Variants in PRRC2B observed in about 807,000 individuals in gnomAD.
The protein encoded by PRRC2B is proline rich coiled-coil 2B, also known as protein PRRC2B.
A neutral mutation model predicts 242.3 loss-of-function variants in PRRC2B; 68 were observed. The observed-to-expected ratio is 0.28, with a 90% CI of 0.23 to 0.34. The LOEUF (loss-of-function observed/expected upper bound fraction) is 0.34. Ranked by LOEUF, PRRC2B falls within the 10% of genes least tolerant of loss-of-function variation. PRRC2B has a pLI of 1.00. For synonymous variants in PRRC2B, 1,228 were observed against 1,173.6 expected, an observed-to-expected ratio of 1.05 and a Z score of -0.95; for missense variants, 2,835 against 2,954.8, an observed-to-expected ratio of 0.96 and a Z score of 0.94.
At chr9:131,458,058 C>G (rs904172129) in intron 10 of PRRC2B, among the ~76,000 whole-genome samples, 2 of 152,162 alleles carry the variant, frequency 1.3e-5, no homozygotes, top group Non-Finnish European at 2.9e-5. Context: ...TCCAGACGAG[C>G]ATGGCACCCA....
chr9:131,478,649 G>GGGGGGGGGGGCCCGGGGGC, intron 18 of PRRC2B, 30 bp downstream of exon 18: 2 of 504,562 alleles, frequency 4.0e-6, no homozygotes, highest in Non-Finnish European at 8.0e-6. Flanking sequence ...GGGGCATGGG[G>GGGGGGGGGGGCCCGGGGGC]CTGGAGGGCA....
rs141579142 is a variant in PRRC2B, at chr9:131,458,844, G to A, written c.1212-320G>A. On this transcript the variant is annotated intron_variant, in intron 10 of 31. Transcript: ENST00000683519. Reference sequence around the variant, plus strand: ...AAGAAAGTTTACGAATTTGTGTTGCGCTGCATCCAGAGCCCAGGGCCATCC... The same window carrying A: ...AAGAAAGTTTACGAATTTGTGTTGCACTGCATCCAGAGCCCAGGGCCATCC... Among the ~76,000 whole-genome samples, 442 of 152,246 alleles carry A rather than the reference G, an allele frequency of 2.9e-3. 1 individual carries two copies. Among genetic ancestry groups the A allele is most frequent in the Middle Eastern group, 0.014 (4 of 292 alleles).
chr9:131,480,516 T>C (rs1943827391), intron 19 of PRRC2B, among the ~76,000 whole-genome samples: 5 of 151,990 alleles, frequency 3.3e-5, no homozygotes, highest in Admixed American at 3.3e-4. Context: ...GTCAGATCTT[T>C]TACTCCAGAA....
At chr9:131,384,197 G>A (rs957616442) in intron 1 of PRRC2B, among the ~76,000 whole-genome samples, 1 of 149,016 alleles carries the variant, frequency 6.7e-6, no homozygotes, top group African/African-American at 2.5e-5. Context: ...GTGCTCAAGC[G>A]ATTCTCATCC....
Position 131,470,809 on chromosome 9 carries a change from C to T in PRRC2B, c.1933C>T (p.His645Tyr), listed in dbSNP as rs775349825. 1.2e-6 allele frequency: 2 copies of T among 1,612,626 alleles called. No individual in the cohort carries two copies. The highest frequency in any genetic ancestry group is 1.1e-5 in the South Asian group (1 of 91,046). The change falls in exon 14 of 32, where the codon CAC becomes TAC. Residue 645 changes from histidine (H) to tyrosine (Y), a missense_variant. Physicochemically the swap from His to Tyr is moderately conservative, Grantham distance 83 (BLOSUM62 2). This residue lies in a region of PRRC2B where 1,536 missense variants were observed against 1,483.1 expected (regional missense o/e 1.04). Coordinates refer to ENST00000683519, the MANE Select transcript of PRRC2B (RefSeq NM_013318.4). ...GCAGGAGCAGCTGTACAAGATGCAG[C>T]ACTGGCAGCCGGTGTACCCCCCGCC... ...QQQEQLYKMQ[H>Y]WQPVYPPPSH...
Position 131,482,341 on chromosome 9 carries a change from A to G in PRRC2B, c.4984-30A>G. On this transcript the variant is annotated intron_variant, in intron 20 of 31. Transcript: ENST00000683519. The surrounding 1 kb of genome is among the most constrained non-coding windows in gnomAD (Gnocchi z 5.2). ...TCTGGATAATCGAGTTGGGAGTTTG[A>G]GGCTATAACCCATTTTGTGCTCTGC... is the stretch of plus-strand genomic sequence containing the variant. 1 of 1,528,254 alleles carries G rather than the reference A, an allele frequency of 6.5e-7. No homozygotes were observed. The highest frequency in any genetic ancestry group is 8.8e-7 in the Non-Finnish European group (1 of 1,134,366). 94.7% of individuals were successfully genotyped at this position (1,528,254 alleles called of 1,614,324 possible). A position where few individuals can be genotyped will look rare whatever the true frequency, so the allele number is the denominator to read the frequency against.
chr9:131,463,737 C>T (rs1411907996), intron 11 of PRRC2B, among the ~76,000 whole-genome samples: 1 of 150,258 alleles, frequency 6.7e-6, no homozygotes, highest in African/African-American at 2.5e-5. Context: ...ATCCTTGCCA[C>T]CTCAGCTCAG....
chr9:131,457,971 C>T (rs553636063), intron 10 of PRRC2B, among the ~76,000 whole-genome samples: 2 of 152,232 alleles, frequency 1.3e-5, no homozygotes, highest in Non-Finnish European at 2.9e-5. Context: ...CCCTGATTCC[C>T]GCTTTTCTCT....
chr9:131,387,332 G>A (rs746866444), intron 1 of PRRC2B, among the ~76,000 whole-genome samples: 4 of 150,198 alleles, frequency 2.7e-5, no homozygotes, highest in Admixed American at 6.9e-5. Flanking sequence ...TTTTCTGCCT[G>A]TTTTATGTTC....
At chr9:131,421,559 C>T (rs1003813857) in intron 1 of PRRC2B, among the ~76,000 whole-genome samples, 2 of 152,172 alleles carry the variant, frequency 1.3e-5, no homozygotes, top group Non-Finnish European at 2.9e-5. Flanking sequence ...TCTTTCCGTT[C>T]GTTCTATAAA....
Position 131,496,005 on chromosome 9 carries a change from C to A in PRRC2B, c.*131C>A. On this transcript the variant is annotated 3_prime_UTR_variant, in exon 32 of 32. Coordinates refer to ENST00000683519, the MANE Select transcript of PRRC2B (RefSeq NM_013318.4). ...GTGGCCCAGACTGAGAGACCTCCCT[C>A]CTCTCCACTCCCGAAAGCTCCGTTG... The A allele has an allele frequency of 8.1e-7, 1 of 1,238,680 alleles. No homozygotes were observed. Among genetic ancestry groups the A allele is most frequent in the Non-Finnish European group, 1.1e-6 (1 of 904,708 alleles). The allele number at this position is 1,238,680 out of a possible 1,614,324, so 76.7% of individuals were successfully genotyped here. A position where few individuals can be genotyped will look rare whatever the true frequency, so the allele number is the denominator to read the frequency against.
chr9:131,488,362 C>G (rs942055076), intron 28 of PRRC2B, among the ~76,000 whole-genome samples: 73 of 151,676 alleles, frequency 4.8e-4, no homozygotes, highest in African/African-American at 1.5e-3. Context: ...CTCCCACATT[C>G]AGGCGATGCT....
At position 131,494,544 on chromosome 9, in the gene PRRC2B, C is replaced by G. The variant is rs1944278919; in HGVS notation, c.6555+58C>G. ...GGACACTTAGGCCCGTCTCCAAGCG[C>G]CAAAAGAGAAGGGACTGTCCAACCT... On this transcript the variant is annotated intron_variant, in intron 31 of 31. Transcript: ENST00000683519. This position sits in a 1 kb window ranked among gnomAD's most constrained non-coding sequence, Gnocchi z 4.3. 1 of 966,596 alleles carries G rather than the reference C, an allele frequency of 1.0e-6. No homozygotes were observed. Among genetic ancestry groups the G allele is most frequent in the Non-Finnish European group, 1.6e-6 (1 of 626,294 alleles). The allele number at this position is 966,596 out of a possible 1,614,324, so 59.9% of individuals were successfully genotyped here. A position where few individuals can be genotyped will look rare whatever the true frequency, so the allele number is the denominator to read the frequency against.
Position 131,397,328 on chromosome 9 carries a change from C to T in PRRC2B, c.-52+3065C>T, listed in dbSNP as rs1293308954. Among the ~76,000 whole-genome samples the T allele has an allele frequency of 2.6e-5, 4 of 152,234 alleles. No individual in the cohort carries two copies. In the East Asian group the frequency reaches 7.7e-4, roughly 29 times the overall value. ...GTACAGTGGCCGTCTCCAGCCTCCA[C>T]TGGGCCCAAATAGGTAAAAAGAAAG... is the stretch of plus-strand genomic sequence containing the variant. On this transcript the variant is annotated intron_variant, in intron 1 of 31. Coordinates refer to ENST00000683519, the MANE Select transcript of PRRC2B (RefSeq NM_013318.4).
At chr9:131,434,943 C>T (rs1266205732) in intron 3 of PRRC2B, among the ~76,000 whole-genome samples, 2 of 152,138 alleles carry the variant, frequency 1.3e-5, no homozygotes, top group African/African-American at 2.4e-5. Context: ...CCAGCATTTC[C>T]ATTTCTAAGG....
chr9:131,460,939 T>C (rs988186512), intron 11 of PRRC2B, among the ~76,000 whole-genome samples: 10 of 152,174 alleles, frequency 6.6e-5, no homozygotes, highest in African/African-American at 2.4e-4. Context: ...CAGCGGACAG[T>C]TGCGGGGAAT....
At chr9:131,491,811 C>T (rs1564303491) in intron 29 of PRRC2B, among the ~76,000 whole-genome samples, 3 of 152,210 alleles carry the variant, frequency 2.0e-5, no homozygotes, top group Non-Finnish European at 4.4e-5. Flanking sequence ...CCCCAGGAGG[C>T]CCTGCTATGG....
chr9:131,375,727 T>G (rs1836674754), intron 1 of PRRC2B, among the ~76,000 whole-genome samples: 1 of 152,086 alleles, frequency 6.6e-6, no homozygotes, highest in Admixed American at 6.6e-5. Context: ...AAATGAGAAC[T>G]GATGTTAAGG....
rs547977728 is a variant in PRRC2B, at chr9:131,477,614, C to T, written c.4407-130C>T. On this transcript the variant is annotated intron_variant, in intron 16 of 31. Coordinates refer to ENST00000683519, the MANE Select transcript of PRRC2B (RefSeq NM_013318.4). ...CACTGTGGCCAGCCTGCCGCTCCTC[C>T]CCACCCGAGGAGTCAGCTAGAGGAA... 18 of 623,800 alleles carry T rather than the reference C, an allele frequency of 2.9e-5. No homozygotes were observed. In the East Asian group the frequency reaches 4.4e-4, roughly 15 times the overall value. 38.6% of individuals were successfully genotyped at this position (623,800 alleles called of 1,614,324 possible). A position where few individuals can be genotyped will look rare whatever the true frequency, so the allele number is the denominator to read the frequency against.
Sources: allele counts gnomAD v4.1 joint callset (sites outside exome capture counted in the v4.1 genomes callset), GRCh38; gene constraint gnomAD v4.1.1; regional missense constraint gnomAD v4.1.1; non-coding constraint Gnocchi (gnomAD v3.1); transcripts MANE v1.5; gene names NCBI Gene and HGNC (gene_info 2026-07-23, HGNC 2026-07-21).